The following TGFBRAP1 variants were observed in gnomAD, a reference collection of about 807,000 sequenced individuals.
The protein encoded by TGFBRAP1 is transforming growth factor-beta receptor-associated protein 1.
A neutral mutation model predicts 83.2 loss-of-function variants in TGFBRAP1; 20 were observed. That is an observed-to-expected ratio of 0.24 (90% confidence interval 0.17 to 0.35). The LOEUF (loss-of-function observed/expected upper bound fraction) is 0.35, where lower values mean the gene tolerates loss of function less well. Ranked by LOEUF, TGFBRAP1 falls within the 10% of genes least tolerant of loss-of-function variation. The pLI is 1.00. For missense variants in TGFBRAP1, 950 were observed against 1,099.4 expected (o/e 0.86, Z 1.92); for synonymous variants, 415 against 459.8 (o/e 0.90, Z 1.25).
At position 105,303,365 on chromosome 2, in the gene TGFBRAP1, G is replaced by A. The variant is rs368659830; in HGVS notation, c.688+4249C>T. Among the ~76,000 whole-genome samples, 38 of 152,332 alleles carry A rather than the reference G, an allele frequency of 2.5e-4. 2 individuals are homozygous for A. The South Asian group carries it at 6.6e-3, about 27-fold the overall frequency. ...AGTAAGCACCTCTGGCTCCCAGACT[G>A]TGGTCTGTAAACATCAGGGCTTTTT... On this transcript the variant is annotated intron_variant, in intron 2 of 11. Coordinates refer to ENST00000393359, the MANE Select transcript of TGFBRAP1 (RefSeq NM_004257.6).
At chr2:105,291,433 T>C (rs1189157591) in intron 4 of TGFBRAP1, among the ~76,000 whole-genome samples, 3 of 152,302 alleles carry the variant, frequency 2.0e-5, no homozygotes, top group East Asian at 1.9e-4. Flanking sequence ...AGTAGAGGTG[T>C]AGTTTTTTAA....
At chr2:105,309,719 C>T (rs1678633200) in intron 1 of TGFBRAP1, among the ~76,000 whole-genome samples, 1 of 152,188 alleles carries the variant, frequency 6.6e-6, no homozygotes, top group Non-Finnish European at 1.5e-5. Flanking sequence ...ACACATCAGT[C>T]CTTCCTGTTT....
chr2:105,318,082 T>A (rs1255504966), intron 1 of TGFBRAP1, among the ~76,000 whole-genome samples: 1 of 152,210 alleles, frequency 6.6e-6, no homozygotes, highest in Non-Finnish European at 1.5e-5. Flanking sequence ...GCCCCTGCCA[T>A]GACTGAGTAA....
chr2:105,264,158 T>A (rs149477639), downstream of TGFBRAP1, among the ~76,000 whole-genome samples: 3 of 152,244 alleles, frequency 2.0e-5, no homozygotes, highest in African/African-American at 7.2e-5. Flanking sequence ...AAAGGTAAAG[T>A]AGATAAGAAG....
downstream of TGFBRAP1, among the ~76,000 whole-genome samples, chr2:105,263,754 C>A (rs751697450): frequency 6.6e-6 from 1 of 151,930 alleles, no homozygotes. Flanking sequence ...GTGTGGTGGA[C>A]GGGCACCTGT....
At chr2:105,294,993 C>G (rs1291691725) in intron 4 of TGFBRAP1, among the ~76,000 whole-genome samples, 1 of 152,132 alleles carries the variant, frequency 6.6e-6, no homozygotes, top group Non-Finnish European at 1.5e-5. Flanking sequence ...CAGTGGCAGG[C>G]CTGGGACTGG....
chr2:105,287,191 G>A (rs1677748568), intron 4 of TGFBRAP1, among the ~76,000 whole-genome samples: 2 of 152,012 alleles, frequency 1.3e-5, no homozygotes, highest in South Asian at 2.1e-4. Context: ...CCAAGGGCTG[G>A]TGGGGGTGTA....
At chr2:105,295,063 C>G (rs1161846800) in intron 4 of TGFBRAP1, among the ~76,000 whole-genome samples, 1 of 152,206 alleles carries the variant, frequency 6.6e-6, no homozygotes, top group African/African-American at 2.4e-5. Context: ...CAGCTTTCTT[C>G]TTTTTGCCTT....
In TGFBRAP1 at chr2:105,325,119, G is replaced by A. The variant is rs1573227165; in HGVS notation, c.-18+4506C>T. ...AGGTCTTGAAAGGTGGAAGAGTCAT[G>A]CTGGTAAGTAGAGAGCTGGGATTCC... On this transcript the variant is annotated intron_variant, in intron 1 of 11. Transcript: ENST00000393359. 2.0e-5 allele frequency: 3 copies of A among 152,340 alleles called. No individual in the cohort carries two copies. In the East Asian group the frequency reaches 5.8e-4, roughly 29 times the overall value. 9.4% of individuals were successfully genotyped at this position (152,340 alleles called of 1,614,324 possible).
chr2:105,307,112 A>C (rs1678525712), intron 2 of TGFBRAP1, among the ~76,000 whole-genome samples: 1 of 152,168 alleles, frequency 6.6e-6, no homozygotes, highest in Non-Finnish European at 1.5e-5. Context: ...CAGAAACTTT[A>C]AGACAGAGGT....
At chr2:105,276,575 ATAAAATTC>A (rs1459753621) in intron 7 of TGFBRAP1, among the ~76,000 whole-genome samples, 1 of 152,234 alleles carries the variant, frequency 6.6e-6, no homozygotes, top group Non-Finnish European at 1.5e-5. Context: ...GCCATTTTAT[ATAAAATTC>A]TACCACGTAT....
At chr2:105,325,459 G>C (rs983839343) in intron 1 of TGFBRAP1, among the ~76,000 whole-genome samples, 3 of 152,156 alleles carry the variant, frequency 2.0e-5, no homozygotes, top group African/African-American at 7.2e-5. Context: ...CCTAGTTTTT[G>C]TTCGTGACTC....
Position 105,269,716 on chromosome 2 carries a change from G to A in TGFBRAP1, c.1973-11C>T. 1.3e-6 allele frequency: 2 copies of A among 1,505,886 alleles called. No individual in the cohort carries two copies. Among genetic ancestry groups the A allele is most frequent in the Non-Finnish European group, 1.8e-6 (2 of 1,128,112 alleles). 93.3% of individuals were successfully genotyped at this position (1,505,886 alleles called of 1,614,324 possible). On this transcript the variant is annotated splice_polypyrimidine_tract_variant and intron_variant, in intron 10 of 11. Coordinates refer to ENST00000393359, the MANE Select transcript of TGFBRAP1 (RefSeq NM_004257.6). The surrounding 1 kb of genome is among the most constrained non-coding windows in gnomAD (Gnocchi z 4.1). ...CTCCCTGCAGCCTCTCTGCAAGACA[G>A]AACCTGCAGCTCAGAAAGAAAGGGG...
chr2:105,266,433 C>T lies in TGFBRAP1; in HGVS notation c.*950G>A, dbSNP rs543585358. On this transcript the variant is annotated 3_prime_UTR_variant, in exon 12 of 12. Transcript: ENST00000393359. ...AGATACATTTTAACAAGAAAAAATA[C>T]CCCTAACAAACAGGACAGATGACTC... The T allele has an allele frequency of 4.5e-4, 69 of 152,318 alleles. No homozygotes were observed. Among genetic ancestry groups the T allele is most frequent in the African/African-American group, 1.6e-3 (66 of 41,584 alleles). The allele number at this position is 152,318 out of a possible 1,614,324, so 9.4% of individuals were successfully genotyped here.
At chr2:105,252,679 T>C in the TGFBRAP1 span, among the ~76,000 whole-genome samples, 1 of 151,952 alleles carries the variant, frequency 6.6e-6, no homozygotes, top group Non-Finnish European at 1.5e-5. Context: ...CCTTCTTCTC[T>C]GGTTTCCTTC....
At chr2:105,250,099 C>T in the TGFBRAP1 span, among the ~76,000 whole-genome samples, 40 of 152,234 alleles carry the variant, frequency 2.6e-4, no homozygotes, top group Admixed American at 4.6e-4. Context: ...AGGAGAGGTG[C>T]CAGCGATTGC....
At chr2:105,294,776 G>A (rs547332294) in intron 4 of TGFBRAP1, among the ~76,000 whole-genome samples, 3 of 152,252 alleles carry the variant, frequency 2.0e-5, no homozygotes, top group Non-Finnish European at 4.4e-5. Flanking sequence ...AAAAGCATAG[G>A]GAAGAAAAGA....
In TGFBRAP1 at chr2:105,316,353, A is replaced by G. The variant is rs541202376; in HGVS notation, c.-17-8035T>C. On this transcript the variant is annotated intron_variant, in intron 1 of 11. Transcript: ENST00000393359. ...TTATGTTTTTTACAAAAAAAAAAAA[A>G]ATTCCCCTACCTGATCCAGAGGAAA... 2.1e-3 allele frequency among the ~76,000 whole-genome samples: 315 copies of G among 151,758 alleles called. 3 individuals carry two copies. The highest frequency in any genetic ancestry group is 7.1e-3 in the African/African-American group (292 of 41,330).
At chr2:105,308,345 T>G (rs757270100) in intron 1 of TGFBRAP1, 27 bp from the exon 2 acceptor site, 6 of 1,550,698 alleles carry the variant, frequency 3.9e-6, no homozygotes, top group Non-Finnish European at 5.2e-6. Context: ...AAAACTAATT[T>G]TAGAGGAACA....
Sources: gnomAD v4.1 joint callset for allele counts (sites outside exome capture counted in the v4.1 genomes callset) on GRCh38, gnomAD v4.1.1 for gene constraint, Gnocchi (gnomAD v3.1) non-coding constraint, MANE v1.5 for transcripts, NCBI Gene and HGNC (gene_info 2026-07-23, HGNC 2026-07-21) for gene names.